The following KAZN variants were observed in gnomAD, a reference collection of about 807,000 sequenced individuals.
KAZN encodes the protein kazrin, periplakin interacting protein.
KAZN carries 40 observed loss-of-function variants against 87.4 expected under a neutral mutation model. That is an observed-to-expected ratio of 0.46 (90% CI 0.36 to 0.60). The LOEUF (loss-of-function observed/expected upper bound fraction) is 0.60, where lower values mean the gene tolerates loss of function less well. KAZN is among the 20% of genes least tolerant of loss of function. The pLI is 0.00. For missense variants in KAZN, 898 were observed against 1,073.9 expected (o/e 0.84, Z 2.29); for synonymous variants, 466 against 458.3 (o/e 1.02, Z -0.22).
chr1:14,041,842 A>G (rs750489866), intron 1 of KAZN, among the ~76,000 whole-genome samples: 2 of 152,162 alleles, frequency 1.3e-5, no homozygotes, highest in Admixed American at 6.5e-5. Context: ...ACCCCAATGG[A>G]TAGTTTGGCT....
chr1:14,577,476 A>G (rs1675264118), intron 2 of KAZN, among the ~76,000 whole-genome samples: 1 of 152,164 alleles, frequency 6.6e-6, no homozygotes, highest in Non-Finnish European at 1.5e-5. Context: ...TCTTTGGCAC[A>G]GAGGGGAGGT....
At chr1:14,082,111 C>T (rs1643697395) in intron 1 of KAZN, among the ~76,000 whole-genome samples, 1 of 152,088 alleles carries the variant, frequency 6.6e-6, no homozygotes, top group African/African-American at 2.4e-5. Flanking sequence ...GATGGGGCTG[C>T]CTGGCCACCA....
chr1:14,777,132 C>A (rs1028788771), intron 1 of KAZN, among the ~76,000 whole-genome samples: 2 of 149,246 alleles, frequency 1.3e-5, no homozygotes, highest in African/African-American at 5.0e-5. Context: ...GGACTACAGG[C>A]GCCCGCCACC....
At chr1:14,724,242 A>G (rs1255573388) in intron 1 of KAZN, among the ~76,000 whole-genome samples, 2 of 151,894 alleles carry the variant, frequency 1.3e-5, no homozygotes, top group Non-Finnish European at 2.9e-5. Context: ...AGGATAGGGA[A>G]AAAAAAAGTG....
At chr1:14,802,085 C>T (rs1384315701) in intron 1 of KAZN, among the ~76,000 whole-genome samples, 3 of 151,954 alleles carry the variant, frequency 2.0e-5, no homozygotes, top group African/African-American at 4.8e-5. Flanking sequence ...AAGCTTTCGT[C>T]GACTCTCTCC....
chr1:14,665,553 G>A (rs1639480299), intron 1 of KAZN, among the ~76,000 whole-genome samples: 1 of 152,078 alleles, frequency 6.6e-6, no homozygotes, highest in Non-Finnish European at 1.5e-5. Context: ...TGGGGTGGGT[G>A]TGGGGAGGCA....
rs149545446 is a variant in KAZN, at chr1:15,032,879, G to A, written c.419-1870G>A. Among the ~76,000 whole-genome samples, 933 of 152,124 alleles carry A rather than the reference G, an allele frequency of 6.1e-3. 8 individuals carry two copies. Among genetic ancestry groups the A allele is most frequent in the African/African-American group, 0.02 (845 of 41,474 alleles). ...CAGGAGAATCACTCGAACCCGGGAG[G>A]CGGAGATTGCAGTGAGCCGAAATCG... On this transcript the variant is annotated intron_variant, in intron 2 of 14. Transcript: ENST00000376030.
At chr1:13,941,158 G>A (rs1429808624) in intron 1 of KAZN, among the ~76,000 whole-genome samples, 3 of 152,008 alleles carry the variant, frequency 2.0e-5, no homozygotes, top group Non-Finnish European at 4.4e-5. Flanking sequence ...TCGCACCACT[G>A]CACTCTGGGC....
At chr1:14,982,158 G>A (rs1054226099) in intron 2 of KAZN, among the ~76,000 whole-genome samples, 6 of 152,192 alleles carry the variant, frequency 3.9e-5, no homozygotes, top group African/African-American at 1.4e-4. Flanking sequence ...GCTCAGGGCT[G>A]GAAGGAACTT....
At chr1:14,478,979 T>A (rs1219452190) in intron 2 of KAZN, among the ~76,000 whole-genome samples, 1 of 152,238 alleles carries the variant, frequency 6.6e-6, no homozygotes, top group East Asian at 1.9e-4. Flanking sequence ...GTTGTTGTTA[T>A]GGGCAACTGG....
intron 2 of KAZN, among the ~76,000 whole-genome samples, chr1:14,416,953 T>C (rs563497571): frequency 1.1e-3 from 166 of 144,816 alleles, no homozygotes; most frequent in African/African-American, 3.8e-3. Flanking sequence ...CGTGTATATG[T>C]GTATGTGTGT....
At chr1:14,545,164 A>G (rs1673062109) in intron 2 of KAZN, among the ~76,000 whole-genome samples, 1 of 152,196 alleles carries the variant, frequency 6.6e-6, no homozygotes, top group Non-Finnish European at 1.5e-5. Flanking sequence ...GAAGCTCAAG[A>G]TGTTCCTCCT....
In KAZN at chr1:14,604,169, A is replaced by G. The variant is rs147155915; in HGVS notation, c.226+4946A>G. Among the ~76,000 whole-genome samples the G allele has an allele frequency of 3.9e-5, 6 of 152,318 alleles. No individual in the cohort carries two copies. In the East Asian group the frequency reaches 1.2e-3, roughly 29 times the overall value. On this transcript the variant is annotated intron_variant, in intron 1 of 14. Transcript: ENST00000376030. Reference sequence around the variant, plus strand: ...ATAGGTCTCAGTGTTTGGGCTGCATATTAGGGTGAGTAGCACAAAATATGG... The same window carrying G: ...ATAGGTCTCAGTGTTTGGGCTGCATGTTAGGGTGAGTAGCACAAAATATGG...
chr1:14,002,993 G>A (rs976269345), intron 1 of KAZN, among the ~76,000 whole-genome samples: 4 of 152,114 alleles, frequency 2.6e-5, no homozygotes, highest in African/African-American at 9.7e-5. Flanking sequence ...AGAAAATGTG[G>A]TACATATATG....
rs1644027761 is a variant in KAZN, at chr1:14,092,592, CATAT to C, written c.92-87841_92-87838del. ...ATACATATGTATGTACATATATGTA[CATAT>C]ACACACATATATACATATGTATGTA... On this transcript the variant is annotated intron_variant, in intron 1 of 16. Transcript: ENST00000636203. Among the ~76,000 whole-genome samples the C allele has an allele frequency of 8.0e-5, 12 of 150,240 alleles. No individual in the cohort carries two copies. In the South Asian group the frequency reaches 2.1e-3, roughly 26 times the overall value.
At chr1:14,220,487 C>G (rs1187939775) in intron 2 of KAZN, among the ~76,000 whole-genome samples, 3 of 152,148 alleles carry the variant, frequency 2.0e-5, no homozygotes, top group Non-Finnish European at 4.4e-5. Context: ...CTCTTTGGAA[C>G]TTTTCCTGTG....
At chr1:14,888,032 A>G (rs1036701865) in intron 1 of KAZN, among the ~76,000 whole-genome samples, 2 of 152,086 alleles carry the variant, frequency 1.3e-5, no homozygotes, top group Non-Finnish European at 2.9e-5. Flanking sequence ...TCTCGGTGAT[A>G]ATGGAGAACA....
chr1:14,688,345 C>G (rs1463422235), intron 1 of KAZN, among the ~76,000 whole-genome samples: 4 of 152,198 alleles, frequency 2.6e-5, no homozygotes, highest in Admixed American at 2.6e-4. Context: ...CTCTCAAGTT[C>G]TTCCAGAGGC....
chr1:14,155,371 G>GT (rs1216128248), intron 1 of KAZN, among the ~76,000 whole-genome samples: 1 of 152,052 alleles, frequency 6.6e-6, no homozygotes. Flanking sequence ...GGTATCAGTT[G>GT]TAACATCTCC....
Sources: gnomAD v4.1 joint callset for allele counts (sites outside exome capture counted in the v4.1 genomes callset) on GRCh38, gnomAD v4.1.1 for gene constraint, MANE v1.5 for transcripts, NCBI Gene and HGNC (gene_info 2026-07-23, HGNC 2026-07-21) for gene names.